The following TMEM71 variants were observed in gnomAD, a reference collection of about 807,000 sequenced individuals.
TMEM71 encodes the protein transmembrane protein 71.
A neutral mutation model predicts 38.0 loss-of-function variants in TMEM71; 44 were observed. The observed-to-expected ratio is 1.16, with a 90% CI of 0.91 to 1.49. TMEM71 has a LOEUF of 1.49. Ranked by LOEUF, TMEM71 falls within the 40% of genes most tolerant of loss-of-function variation. The probability of loss-of-function intolerance (pLI) is 0.00; values close to 1 mark genes in which losing one functional copy is unlikely to be tolerated. For synonymous variants in TMEM71, 133 were observed against 122.5 expected (o/e 1.09, Z -0.56); for missense variants, 367 against 348.6 (o/e 1.05, Z -0.42).
chr8:132,711,427 T>C (rs1826229563), intron 9 of TMEM71, among the ~76,000 whole-genome samples: 1 of 152,206 alleles, frequency 6.6e-6, no homozygotes, highest in African/African-American at 2.4e-5. Flanking sequence ...TGCTCTCTCC[T>C]GCCCCGTAGA....
chr8:132,765,296 G>A (rs991969020), upstream of TMEM71, among the ~76,000 whole-genome samples: 3 of 152,162 alleles, frequency 2.0e-5, no homozygotes, highest in Non-Finnish European at 2.9e-5. Context: ...TAGACTTTGC[G>A]GCAAGCTCAT....
rs1478674102 is a variant in TMEM71, at chr8:132,747,134, T to C, written c.315-20A>G. ...AATATCCTAGAGAGAAATGAAAGCA[T>C]GGTGAACAACGAATAATAGTTACCT... On this transcript the variant is annotated intron_variant, in intron 4 of 9. Coordinates refer to ENST00000677595, the MANE Select transcript of TMEM71 (RefSeq NM_001382403.1). 1.3e-6 allele frequency: 2 copies of C among 1,564,532 alleles called. No individual in the cohort carries two copies. Among genetic ancestry groups the C allele is most frequent in the Non-Finnish European group, 1.7e-6 (2 of 1,156,424 alleles).
intron 7 of TMEM71, among the ~76,000 whole-genome samples, chr8:132,719,434 T>C (rs527904396): frequency 3.9e-5 from 6 of 152,238 alleles, no homozygotes; most frequent in South Asian, 2.1e-4. Context: ...TGTGTGTATA[T>C]GAAACATAAA....
intron 5 of TMEM71, among the ~76,000 whole-genome samples, chr8:132,745,715 A>G (rs114887696): frequency 0.026 from 3,980 of 152,178 alleles, 185 homozygotes; most frequent in African/African-American, 0.092. Context: ...AACAACTCAT[A>G]CACTCACATT....
intron 5 of TMEM71, among the ~76,000 whole-genome samples, chr8:132,739,004 T>C (rs1234152671): frequency 6.6e-6 from 1 of 152,190 alleles, no homozygotes; most frequent in South Asian, 2.1e-4. Context: ...AAGCATACAC[T>C]GACCCTCTCT....
the TMEM71 span, among the ~76,000 whole-genome samples, chr8:132,771,931 T>C: frequency 1.3e-5 from 2 of 152,176 alleles, no homozygotes; most frequent in African/African-American, 4.8e-5. Flanking sequence ...GTGAGCTCTT[T>C]GGCAGGTGAG....
the TMEM71 span, among the ~76,000 whole-genome samples, chr8:132,766,499 A>T: frequency 6.6e-6 from 1 of 150,630 alleles, no homozygotes; most frequent in African/African-American, 2.5e-5. Flanking sequence ...TTTTTACTTT[A>T]AAAAAAAATG....
chr8:132,762,317 C>G (rs530269027), upstream of TMEM71, among the ~76,000 whole-genome samples: 3 of 152,284 alleles, frequency 2.0e-5, no homozygotes, highest in East Asian at 5.8e-4. Flanking sequence ...TCTTCTTCTC[C>G]TTTTCCTGTT....
chr8:132,740,613 A>G (rs192428249), intron 5 of TMEM71, among the ~76,000 whole-genome samples: 162 of 152,344 alleles, frequency 1.1e-3, no homozygotes, highest in Non-Finnish European at 1.4e-3. Context: ...GAGTGACATA[A>G]GTAAAGCCAC....
At chr8:132,732,966 A>G (rs1461040355) in intron 5 of TMEM71, among the ~76,000 whole-genome samples, 1 of 152,172 alleles carries the variant, frequency 6.6e-6, no homozygotes, top group Non-Finnish European at 1.5e-5. Context: ...TAACCGTCTA[A>G]GGCAACTGGA....
At chr8:132,729,145 A>G (rs1827314547) in intron 5 of TMEM71, among the ~76,000 whole-genome samples, 1 of 152,256 alleles carries the variant, frequency 6.6e-6, no homozygotes, top group Non-Finnish European at 1.5e-5. Context: ...ATTCCTCATA[A>G]CACTTGGTGT....
At chr8:132,747,148 T>A in intron 4 of TMEM71, 34 bp from the exon 5 acceptor site, 1 of 1,522,400 alleles carries the variant, frequency 6.6e-7, no homozygotes, top group East Asian at 2.4e-5. Flanking sequence ...GAACAACGAA[T>A]AATAGTTACC....
the TMEM71 span, among the ~76,000 whole-genome samples, chr8:132,770,567 G>A: frequency 1.6e-4 from 25 of 152,322 alleles, no homozygotes; most frequent in South Asian, 5.0e-3. Context: ...GTCTTAAGCT[G>A]TTGGGGATCC....
intron 9 of TMEM71, among the ~76,000 whole-genome samples, chr8:132,711,239 C>T (rs565309342): frequency 3.3e-5 from 5 of 152,260 alleles, no homozygotes; most frequent in South Asian, 2.1e-4. Context: ...CTCAGCCCAG[C>T]GTGGTACTTA....
chr8:132,770,209 G>A, the TMEM71 span, among the ~76,000 whole-genome samples: 1 of 152,184 alleles, frequency 6.6e-6, no homozygotes, highest in Non-Finnish European at 1.5e-5. Context: ...TTGCAAGCTA[G>A]GAAGAGAATT....
At chr8:132,744,337 G>A (rs748228368) in intron 5 of TMEM71, among the ~76,000 whole-genome samples, 10 of 152,026 alleles carry the variant, frequency 6.6e-5, no homozygotes, top group Admixed American at 3.3e-4. Context: ...GAGAATCAAC[G>A]TACAGAAATC....
At chr8:132,747,136 G>A in intron 4 of TMEM71, 22 bp from the exon 5 acceptor site, 1 of 1,558,430 alleles carries the variant, frequency 6.4e-7, no homozygotes, top group Middle Eastern at 1.7e-4. Flanking sequence ...TGAAAGCATG[G>A]TGAACAACGA....
the TMEM71 span, among the ~76,000 whole-genome samples, chr8:132,767,463 A>G: frequency 6.7e-6 from 1 of 148,272 alleles, no homozygotes; most frequent in Non-Finnish European, 1.5e-5. Context: ...GTTTTGAGAC[A>G]TACCTACCTC....
chr8:132,715,768 TTG>T (rs1446472279), intron 7 of TMEM71, among the ~76,000 whole-genome samples: 1 of 152,230 alleles, frequency 6.6e-6, no homozygotes, highest in African/African-American at 2.4e-5. Context: ...AATGAGCTAA[TTG>T]TAGAATAGCA....
Sources: allele counts gnomAD v4.1 joint callset (sites outside exome capture counted in the v4.1 genomes callset), GRCh38; gene constraint gnomAD v4.1.1; transcripts MANE v1.5; gene names NCBI Gene and HGNC (gene_info 2026-07-23, HGNC 2026-07-21).